The following CDH1 variants were observed in gnomAD, a reference collection of about 807,000 sequenced individuals.
CDH1 encodes cadherin 1.
In CDH1, 35 loss-of-function variants were observed where a neutral mutation model predicts 84.5. That is an observed-to-expected ratio of 0.41 (90% CI 0.32 to 0.55). CDH1 has a LOEUF of 0.55. CDH1 is among the 20% of genes least tolerant of loss of function. The probability of loss-of-function intolerance (pLI) is 0.19; values close to 1 mark genes in which losing one functional copy is unlikely to be tolerated. For synonymous variants in CDH1, 417 were observed against 439.0 expected (o/e 0.95, Z 0.63); for missense variants, 994 against 1,126.6 (o/e 0.88, Z 1.68).
At chr16:68,816,305 C>A (rs1960985843) in intron 10 of CDH1, among the ~76,000 whole-genome samples, 1 of 152,198 alleles carries the variant, frequency 6.6e-6, no homozygotes, top group South Asian at 2.1e-4. Context: ...AGCCACCGCA[C>A]CCAGCCCATA....
At chr16:68,787,471 C>T (rs1415334342) in intron 2 of CDH1, among the ~76,000 whole-genome samples, 2 of 151,900 alleles carry the variant, frequency 1.3e-5, no homozygotes, top group African/African-American at 4.8e-5. Flanking sequence ...AATATTTACT[C>T]TCAAAAAGAT....
chr16:68,819,708 C>T (rs1025624926), intron 11 of CDH1, among the ~76,000 whole-genome samples: 5 of 152,128 alleles, frequency 3.3e-5, no homozygotes, highest in Non-Finnish European at 7.3e-5. Context: ...TTGGACCCTT[C>T]CCAGCTGCCA....
rs2152126900 is a variant in CDH1 at position 68,801,815 on chromosome 16, G to C, written c.309G>C (p.Trp103Cys). 1 of 1,614,122 alleles carries C rather than the reference G, an allele frequency of 6.2e-7. No individual in the cohort carries two copies. Among genetic ancestry groups the C allele is most frequent in the South Asian group, 1.1e-5 (1 of 91,074 alleles). The change falls in exon 3 of 16, where the codon TGG becomes TGC. Residue 103 changes from tryptophan (W) to cysteine (C), a missense_variant. Physicochemically the swap from Trp to Cys is radical, Grantham distance 215. Around this residue, in one of 3 missense-constraint regions of CDH1, gnomAD observed 203 missense variants for 194.0 expected, o/e 1.05. Coordinates refer to ENST00000261769, the MANE Select transcript of CDH1 (RefSeq NM_004360.5). ...NPQIHFLVYA[W>C]DSTYRKFSTK... ...AGATCCATTTCTTGGTCTACGCCTG[G>C]GACTCCACCTACAGAAAGTTTTCCA...
chr16:68,754,907 T>C (rs1962979410), intron 2 of CDH1, among the ~76,000 whole-genome samples: 1 of 151,928 alleles, frequency 6.6e-6, no homozygotes, highest in African/African-American at 2.4e-5. Context: ...AAACTATGCA[T>C]TGGGGTGGAG....
intron 3 of CDH1, among the ~76,000 whole-genome samples, chr16:68,804,129 TTTG>T (rs1960587323): frequency 7.1e-6 from 1 of 140,714 alleles, no homozygotes; most frequent in East Asian, 2.1e-4. Context: ...TTTTTTTTTT[TTTG>T]AGATGGAGTC....
chr16:68,768,379 G>A (rs8056538), intron 2 of CDH1, among the ~76,000 whole-genome samples: 45,188 of 152,184 alleles, frequency 0.3, 6,834 homozygotes, highest in Middle Eastern at 0.34. Flanking sequence ...GATCAGTTGC[G>A]TAATTAGGTT....
chr16:68,784,806 CTT>C (rs34946816), intron 2 of CDH1, among the ~76,000 whole-genome samples: 82 of 146,456 alleles, frequency 5.6e-4, no homozygotes, highest in Non-Finnish European at 6.5e-4. Context: ...CAGTTCCATT[CTT>C]TTTTTTTTTT....
intron 2 of CDH1, chr16:68,771,033 G>A (rs1327627074): frequency 2.0e-5 from 3 of 151,686 alleles, no homozygotes; most frequent in East Asian, 2.0e-4. Flanking sequence ...AGGCTCTCCC[G>A]TCTTTTGGAA....
intron 2 of CDH1, among the ~76,000 whole-genome samples, chr16:68,753,212 C>CA (rs55703202): frequency 0.031 from 2,203 of 69,984 alleles, 320 homozygotes; most frequent in African/African-American, 0.11. Flanking sequence ...GACTCAGTCT[C>CA]AAAAAAAAAA....
At chr16:68,830,095 C>T (rs1287461670) in intron 15 of CDH1, among the ~76,000 whole-genome samples, 2 of 151,810 alleles carry the variant, frequency 1.3e-5, no homozygotes, top group Admixed American at 1.3e-4. Flanking sequence ...GCTGGGATTA[C>T]AGGCATGCAC....
At chr16:68,785,520 C>T (rs1960021864) in intron 2 of CDH1, among the ~76,000 whole-genome samples, 1 of 152,172 alleles carries the variant, frequency 6.6e-6, no homozygotes, top group African/African-American at 2.4e-5. Flanking sequence ...GTGGCTCAGG[C>T]TGGAGTGCTG....
At chr16:68,803,426 C>T (rs199864483) in intron 3 of CDH1, among the ~76,000 whole-genome samples, 1 of 152,118 alleles carries the variant, frequency 6.6e-6, no homozygotes, top group African/African-American at 2.4e-5. Flanking sequence ...GAGACAGATT[C>T]TTGCTCTGTC....
chr16:68,799,411 C>T (rs188408655), intron 2 of CDH1, among the ~76,000 whole-genome samples: 63 of 152,278 alleles, frequency 4.1e-4, no homozygotes, highest in Non-Finnish European at 7.5e-4. Context: ...TTCGTATGAA[C>T]GAGCTCTTCC....
chr16:68,814,646 C>T (rs1960934771), intron 9 of CDH1: 1 of 152,356 alleles, frequency 6.6e-6, no homozygotes, highest in South Asian at 2.1e-4. Context: ...CATTCTCCTT[C>T]CCTCAGCTCT....
chr16:68,764,148 C>T lies in CDH1; in HGVS notation c.163+25737C>T, dbSNP rs543518834. On this transcript the variant is annotated intron_variant, in intron 2 of 15. Coordinates refer to ENST00000261769, the MANE Select transcript of CDH1 (RefSeq NM_004360.5). ...TGGTGGGGGATGGGCTATGAAGCTA[C>T]CCGAAGTTGTAGACAAAGGGGTGTG... Among the ~76,000 whole-genome samples the T allele has an allele frequency of 1.8e-4, 28 of 152,252 alleles. 1 individual carries two copies. The highest frequency in any genetic ancestry group is 6.5e-4 in the African/African-American group (27 of 41,544).
intron 2 of CDH1, among the ~76,000 whole-genome samples, chr16:68,779,844 T>C (rs1959826980): frequency 6.6e-6 from 1 of 152,022 alleles, no homozygotes; most frequent in Non-Finnish European, 1.5e-5. Flanking sequence ...AGATGAGTGC[T>C]GGGGGTGTTG....
intron 2 of CDH1, among the ~76,000 whole-genome samples, chr16:68,740,454 G>T (rs961779295): frequency 3.3e-5 from 5 of 151,930 alleles, no homozygotes; most frequent in African/African-American, 1.2e-4. Flanking sequence ...GCTGGGGATT[G>T]GATATTTTGA....
At chr16:68,737,491 G>C in intron 1 of CDH1, 28 bp downstream of exon 1, 3 of 1,525,282 alleles carry the variant, frequency 2.0e-6, no homozygotes, top group Non-Finnish European at 2.6e-6. Flanking sequence ...ACTTGCGAGG[G>C]ACGCATTCGG....
intron 2 of CDH1, among the ~76,000 whole-genome samples, chr16:68,751,394 C>T (rs1306444976): frequency 6.6e-6 from 1 of 152,198 alleles, no homozygotes; most frequent in Non-Finnish European, 1.5e-5. Flanking sequence ...TGTGACCATT[C>T]CCATAATATC....
Sources: allele counts gnomAD v4.1 joint callset (sites outside exome capture counted in the v4.1 genomes callset), GRCh38; gene constraint gnomAD v4.1.1; regional missense constraint gnomAD v4.1.1; transcripts MANE v1.5; gene names NCBI Gene and HGNC (gene_info 2026-07-23, HGNC 2026-07-21).